EFCAB12: variants seen among roughly 807,000 people sequenced by gnomAD.
The protein encoded by EFCAB12 is EF-hand calcium binding domain 12, also known as EF-hand calcium-binding domain-containing protein 12.
A neutral mutation model predicts 53.6 loss-of-function variants in EFCAB12; 43 were observed. The observed-to-expected ratio is 0.80, with a 90% CI of 0.63 to 1.03. The LOEUF (loss-of-function observed/expected upper bound fraction) is 1.03. Ranked by LOEUF, EFCAB12 falls within the 50% of genes least tolerant of loss-of-function variation. The probability of loss-of-function intolerance (pLI) is 0.00; values close to 1 mark genes in which losing one functional copy is unlikely to be tolerated. For missense variants in EFCAB12, 646 were observed against 730.6 expected (o/e 0.88, Z 1.34); for synonymous variants, 269 against 289.2 (o/e 0.93, Z 0.71).
chr3:129,423,428 G>T (rs9852348), intron 1 of EFCAB12, among the ~76,000 whole-genome samples: 17,668 of 151,862 alleles, frequency 0.12, 1,210 homozygotes, highest in African/African-American at 0.18. Context: ...GGAGTTCAAG[G>T]CCAGCCTGGG....
At chr3:129,408,960 G>T in intron 5 of EFCAB12, 102 bp from the exon 6 acceptor site, 1 of 1,367,282 alleles carries the variant, frequency 7.3e-7, no homozygotes, top group Non-Finnish European at 1.0e-6. Flanking sequence ...TCCCCTGCGA[G>T]GTCCCCATGA....
At chr3:129,407,517 G>A (rs996338156) in intron 6 of EFCAB12, among the ~76,000 whole-genome samples, 3 of 152,220 alleles carry the variant, frequency 2.0e-5, no homozygotes, top group African/African-American at 7.2e-5. Flanking sequence ...TATGGCCAAA[G>A]TTCCTTCCTA....
At chr3:129,406,891 C>T (rs745881884) in intron 6 of EFCAB12, among the ~76,000 whole-genome samples, 9 of 146,926 alleles carry the variant, frequency 6.1e-5, no homozygotes, top group Admixed American at 2.0e-4. Flanking sequence ...GACAGGGTCT[C>T]GCTCTGTCAC....
chr3:129,428,533 G>C lies in EFCAB12; in HGVS notation c.-45C>G, dbSNP rs1287734512. The C allele has an allele frequency of 6.3e-7, 1 of 1,599,650 alleles. No homozygotes were observed. Among genetic ancestry groups the C allele is most frequent in the East Asian group, 2.3e-5 (1 of 44,348 alleles). On this transcript the variant is annotated 5_prime_UTR_variant, in exon 1 of 9. Transcript: ENST00000505956. The stretch of plus-strand genomic sequence containing the variant: ...GGTGCTGAAGGGCGTGTGTGAATGT[G>C]TGTCGATGTGGGCTTGCTTGCGTAG...
At chr3:129,410,391 A>G (rs992381735) in intron 5 of EFCAB12, among the ~76,000 whole-genome samples, 1 of 149,934 alleles carries the variant, frequency 6.7e-6, no homozygotes, top group African/African-American at 2.5e-5. Context: ...ATCTTAGCTC[A>G]CTTCAGTCTC....
At position 129,427,083 on chromosome 3, in the gene EFCAB12, G is replaced by A. The variant is rs757741139; in HGVS notation, c.49+1357C>T. On this transcript the variant is annotated intron_variant, in intron 1 of 8. Transcript: ENST00000505956. ...AGGATGGTCTTGATCTCCTGACCTCGTGATCCACCCACCTCAGCCTCCTAA... is the reference window on the plus strand; with the variant it reads ...AGGATGGTCTTGATCTCCTGACCTCATGATCCACCCACCTCAGCCTCCTAA... Among the ~76,000 whole-genome samples, 8 of 151,768 alleles carry A rather than the reference G, an allele frequency of 5.3e-5. No individual in the cohort carries two copies. The South Asian group carries it at 1.5e-3, about 28-fold the overall frequency.
intron 6 of EFCAB12, among the ~76,000 whole-genome samples, chr3:129,405,105 G>A (rs1458898709): frequency 2.6e-5 from 4 of 152,198 alleles, no homozygotes; most frequent in African/African-American, 9.7e-5. Context: ...ATGAGCCACT[G>A]CGCCCAGCCC....
chr3:129,424,799 A>C (rs1385891117), intron 1 of EFCAB12, among the ~76,000 whole-genome samples: 6 of 152,210 alleles, frequency 3.9e-5, no homozygotes, highest in Non-Finnish European at 7.3e-5. Flanking sequence ...GTGCAGATTA[A>C]ACTAGGCTGG....
At chr3:129,407,868 C>A (rs147000780) in intron 6 of EFCAB12, among the ~76,000 whole-genome samples, 1 of 152,212 alleles carries the variant, frequency 6.6e-6, no homozygotes, top group Non-Finnish European at 1.5e-5. Flanking sequence ...GAGCCGCAAT[C>A]GCACTACTAC....
At chr3:129,428,317 TG>T in intron 1 of EFCAB12, 122 bp downstream of exon 1, 1 of 1,358,162 alleles carries the variant, frequency 7.4e-7, no homozygotes, top group African/African-American at 1.4e-5. Context: ...CCCGACTCCA[TG>T]GCAACCCTTC....
chr3:129,411,622 G>A, intron 4 of EFCAB12: 1 of 358,778 alleles, frequency 2.8e-6, no homozygotes. Flanking sequence ...TCACCAAGCA[G>A]CAAATAGGAT....
At chr3:129,408,577 G>C in intron 6 of EFCAB12, 68 bp downstream of exon 6, 1 of 1,494,092 alleles carries the variant, frequency 6.7e-7, no homozygotes, top group Non-Finnish European at 9.1e-7. Context: ...GCCCTGGGTG[G>C]CATCACCCTC....
rs150513946 is a variant in EFCAB12, at chr3:129,420,168, C to T, written c.486+1199G>A. Among the ~76,000 whole-genome samples the T allele has an allele frequency of 6.8e-4, 104 of 152,272 alleles. 1 individual carries two copies. The East Asian group carries it at 0.016, about 24-fold the overall frequency. On this transcript the variant is annotated intron_variant, in intron 2 of 8. Transcript: ENST00000505956. ...CAGCAAGGACTGACCCTGAAGTTTCCGGGCCAACCAACCCAATGGACACTT... is the reference window on the plus strand; with the variant it reads ...CAGCAAGGACTGACCCTGAAGTTTCTGGGCCAACCAACCCAATGGACACTT...
rs1452196692 is a variant in EFCAB12, at chr3:129,421,780, T to C, written c.73A>G (p.Ile25Val). The stretch of plus-strand genomic sequence containing the variant: ...TCAAAGACGGGAGCATTTTCATTGA[T>C]GGGAGTCTTAGACGGGCAGAGTCCT... ...LLGLCPSKTP[I>V]NENAPVFDPE... is the part of the protein sequence containing the mutation. Residue 25 changes from isoleucine (I) to valine (V), a missense_variant, in exon 2 of 9, where the codon ATC becomes GTC. Physicochemically the swap from Ile to Val is conservative, Grantham distance 29. Transcript: ENST00000505956. 1.9e-6 allele frequency: 3 copies of C among 1,613,004 alleles called. No individual in the cohort carries two copies. The highest frequency in any genetic ancestry group is 1.3e-5 in the African/African-American group (1 of 74,884).
intron 6 of EFCAB12, among the ~76,000 whole-genome samples, chr3:129,406,862 G>A (rs535146087): frequency 3.0e-5 from 4 of 131,400 alleles, no homozygotes; most frequent in African/African-American, 1.5e-4. Flanking sequence ...GGAGATTTTG[G>A]TGGGTTTTTT....
chr3:129,422,544 T>C (rs751535479), intron 1 of EFCAB12, among the ~76,000 whole-genome samples: 4 of 152,088 alleles, frequency 2.6e-5, no homozygotes, highest in Non-Finnish European at 4.4e-5. Context: ...GGTTGGCACG[T>C]GCTCCTCCCT....
chr3:129,423,850 C>T (rs944701138), intron 1 of EFCAB12, among the ~76,000 whole-genome samples: 1 of 152,178 alleles, frequency 6.6e-6, no homozygotes, highest in South Asian at 2.1e-4. Context: ...CGTTTGTATC[C>T]AAACAGATCT....
intron 5 of EFCAB12, 77 bp downstream of exon 5, chr3:129,411,081 G>C: frequency 6.8e-7 from 1 of 1,467,990 alleles, no homozygotes; most frequent in Non-Finnish European, 9.1e-7. Context: ...CAGCCAGCGG[G>C]TGGTGCTGCT....
chr3:129,406,501 G>A (rs2071953078), intron 6 of EFCAB12, among the ~76,000 whole-genome samples: 1 of 152,124 alleles, frequency 6.6e-6, no homozygotes, highest in Non-Finnish European at 1.5e-5. Flanking sequence ...GTGTGTATGA[G>A]AGAGAGACAG....
Sources: gnomAD v4.1 joint callset for allele counts (sites outside exome capture counted in the v4.1 genomes callset) on GRCh38, gnomAD v4.1.1 for gene constraint, MANE v1.5 for transcripts, NCBI Gene and HGNC (gene_info 2026-07-23, HGNC 2026-07-21) for gene names.